PRMT9: variants seen among roughly 807,000 people sequenced by gnomAD.
PRMT9 encodes the protein protein arginine methyltransferase 9.
Under a neutral mutation model 83.2 loss-of-function variants are expected in PRMT9, and 59 were observed. That is an observed-to-expected ratio of 0.71 (90% CI 0.57 to 0.88). The LOEUF is 0.88. Among genes scored for constraint, PRMT9 ranks in the 40% least tolerant of loss-of-function variants. PRMT9 has a pLI of 0.00. For missense variants in PRMT9, 947 were observed against 1,021.9 expected, an observed-to-expected ratio of 0.93 and a Z score of 1.00; for synonymous variants, 333 against 353.2, an observed-to-expected ratio of 0.94 and a Z score of 0.64.
At chr4:147,681,475 T>A (rs989993438) in intron 1 of PRMT9, among the ~76,000 whole-genome samples, 1 of 152,182 alleles carries the variant, frequency 6.6e-6, no homozygotes, top group Non-Finnish European at 1.5e-5. Context: ...GGGAGTTTAC[T>A]AGAGAGACAA....
At chr4:147,674,151 C>T (rs1209534380) in intron 2 of PRMT9, among the ~76,000 whole-genome samples, 1 of 152,172 alleles carries the variant, frequency 6.6e-6, no homozygotes, top group Non-Finnish European at 1.5e-5. Flanking sequence ...CTCTCACAGT[C>T]ATCCTCCATT....
Position 147,654,263 on chromosome 4 carries a change from A to C in PRMT9, c.1634T>G (p.Leu545Trp). The C allele has an allele frequency of 1.2e-6, 2 of 1,614,246 alleles. No individual in the cohort carries two copies. Among genetic ancestry groups the C allele is most frequent in the Non-Finnish European group, 1.7e-6 (2 of 1,180,042 alleles). ...CAGTTTCTCTGGAGTCAGTGAAGACAAAACTTTGCTCATTGCCATTTTAAA... is the reference window on the plus strand; with the variant it reads ...CAGTTTCTCTGGAGTCAGTGAAGACCAAACTTTGCTCATTGCCATTTTAAA... ...EGFKMAMSKV[L>W]SSLTPEKLYQ... The change falls in exon 9 of 12, where the codon TTG becomes TGG. Residue 545 changes from leucine (L) to tryptophan (W), a missense_variant. Transcript: ENST00000322396.
In PRMT9 at chr4:147,666,823, TAA is replaced by T. The variant is rs67002013; in HGVS notation, c.953+1714_953+1715del. On this transcript the variant is annotated intron_variant, in intron 6 of 11. Coordinates refer to ENST00000322396, the MANE Select transcript of PRMT9 (RefSeq NM_138364.4). ...TCAACCCATAATGCTGAACTTTGTT[TAA>T]AAAAAAAAAAAAAAAAAAAAGATAT... is the stretch of plus-strand genomic sequence containing the variant. Among the ~76,000 whole-genome samples the T allele has an allele frequency of 1.2e-3, 158 of 126,412 alleles. No homozygotes were observed. The Middle Eastern group carries it at 0.016, about 13-fold the overall frequency. 82.9% of individuals were successfully genotyped at this position (126,412 alleles called of 152,430 possible). A position where few individuals can be genotyped will look rare whatever the true frequency, so the allele number is the denominator to read the frequency against.
Position 147,683,811 on chromosome 4 carries a change from T to C in PRMT9, c.177A>G (p.Lys59=), listed in dbSNP as rs1473949079. 8.7e-6 allele frequency: 14 copies of C among 1,609,720 alleles called. No individual in the cohort carries two copies. Among genetic ancestry groups the C allele is most frequent in the Non-Finnish European group, 1.1e-5 (13 of 1,178,042 alleles). The change falls in exon 1 of 12, where the codon AAA becomes AAG. Residue 59 remains lysine, a synonymous_variant. Transcript: ENST00000322396. ...LLVLSLAPEL[K]HDVKETFQYT... is the part of the protein sequence containing the mutation. Reference sequence around the variant, plus strand: ...AAAGGACCCTCACCTTCACGTCGTGTTTCAGCTCCGGCGCCAGGCTGAGCA... The same window carrying C: ...AAAGGACCCTCACCTTCACGTCGTGCTTCAGCTCCGGCGCCAGGCTGAGCA...
At chr4:147,674,280 G>T (rs544745719) in intron 2 of PRMT9, among the ~76,000 whole-genome samples, 1 of 152,256 alleles carries the variant, frequency 6.6e-6, no homozygotes, top group East Asian at 1.9e-4. Flanking sequence ...TCAAGAGTCA[G>T]TTGTATTTGC....
chr4:147,676,729 T>C lies in PRMT9; in HGVS notation c.339-2855A>G, dbSNP rs547878555. On this transcript the variant is annotated intron_variant, in intron 2 of 11. Transcript: ENST00000322396. ...AAAGTTTGGCAAAGTGTTTCTTATATAGAACTTTTCATTGAATAAAACTTA... is the reference window on the plus strand; with the variant it reads ...AAAGTTTGGCAAAGTGTTTCTTATACAGAACTTTTCATTGAATAAAACTTA... 4.6e-5 allele frequency among the ~76,000 whole-genome samples: 7 copies of C among 152,288 alleles called. No individual in the cohort carries two copies. In the East Asian group the frequency reaches 9.6e-4, roughly 21 times the overall value.
intron 9 of PRMT9, among the ~76,000 whole-genome samples, chr4:147,653,534 G>A (rs552362605): frequency 1.3e-5 from 2 of 151,872 alleles, no homozygotes; most frequent in South Asian, 2.1e-4. Flanking sequence ...CTTGGAGAAA[G>A]ACTAATCCTA....
intron 8 of PRMT9, among the ~76,000 whole-genome samples, chr4:147,655,674 C>T (rs1734437649): frequency 6.6e-6 from 1 of 151,966 alleles, no homozygotes; most frequent in African/African-American, 2.4e-5. Context: ...TCCAGAATAG[C>T]TGGGACTACA....
chr4:147,676,049 T>C (rs534332427), intron 2 of PRMT9, among the ~76,000 whole-genome samples: 5 of 152,336 alleles, frequency 3.3e-5, no homozygotes, highest in Admixed American at 1.3e-4. Context: ...GTAAATTCTA[T>C]AGCAAAAGCC....
At chr4:147,669,257 T>G (rs192422138) in intron 5 of PRMT9, among the ~76,000 whole-genome samples, 1 of 151,636 alleles carries the variant, frequency 6.6e-6, no homozygotes, top group Non-Finnish European at 1.5e-5. Context: ...ATTAGCCAAG[T>G]GTGGTGACAT....
chr4:147,663,047 C>T (rs1440688311), intron 6 of PRMT9, among the ~76,000 whole-genome samples: 3 of 147,526 alleles, frequency 2.0e-5, no homozygotes, highest in Admixed American at 1.4e-4. Context: ...CTTGCTCTGT[C>T]GCCCAGGCTG....
In PRMT9 at chr4:147,673,782, A is replaced by G. The variant is rs1194215774; in HGVS notation, c.431T>C (p.Val144Ala). ...FSDAKENFYR[V>A]ANWLVERWHF... ...CCAGCGTTCCACCAACCAGTTTGCA[A>G]CACGATAAAAATTCTCCTTTGCATC... The change falls in exon 3 of 12, where the codon GTT becomes GCT. Residue 144 changes from valine to alanine, a missense_variant. Val to Ala is a moderately conservative substitution (Grantham distance 64, BLOSUM62 0). Coordinates refer to ENST00000322396, the MANE Select transcript of PRMT9 (RefSeq NM_138364.4). 3 of 1,614,064 alleles carry G rather than the reference A, an allele frequency of 1.9e-6. No homozygotes were observed. The highest frequency in any genetic ancestry group is 2.5e-6 in the Non-Finnish European group (3 of 1,180,008).
intron 10 of PRMT9, among the ~76,000 whole-genome samples, chr4:147,640,927 G>A (rs911600057): frequency 3.3e-5 from 5 of 152,006 alleles, no homozygotes; most frequent in African/African-American, 9.7e-5. Context: ...TGCCCAGGCT[G>A]GTCTTGAACT....
chr4:147,677,530 T>C (rs1218161186), intron 2 of PRMT9, among the ~76,000 whole-genome samples: 2 of 145,348 alleles, frequency 1.4e-5, no homozygotes, highest in East Asian at 4.3e-4. Context: ...TTTGGCTCAC[T>C]GCAACCTCCA....
At chr4:147,660,579 G>A (rs965020867) in intron 7 of PRMT9, among the ~76,000 whole-genome samples, 27 of 152,236 alleles carry the variant, frequency 1.8e-4, no homozygotes, top group Admixed American at 3.3e-4. Flanking sequence ...GCAGTGAGCC[G>A]AGATGGTGCC....
At chr4:147,657,346 A>C (rs914058922) in intron 8 of PRMT9, among the ~76,000 whole-genome samples, 1 of 152,108 alleles carries the variant, frequency 6.6e-6, no homozygotes, top group Non-Finnish European at 1.5e-5. Context: ...TAACACGGTG[A>C]AACTCGGTCT....
chr4:147,674,229 G>A (rs370807483), intron 2 of PRMT9, among the ~76,000 whole-genome samples: 3 of 152,274 alleles, frequency 2.0e-5, no homozygotes, highest in South Asian at 4.1e-4. Context: ...CTTTGTGGGG[G>A]CCGGCATGCC....
Position 147,683,999 on chromosome 4 carries a change from C to T in PRMT9, c.-12G>A, listed in dbSNP as rs1258915259. The T allele has an allele frequency of 1.9e-6, 3 of 1,612,108 alleles. No homozygotes were observed. Among genetic ancestry groups the T allele is most frequent in the Non-Finnish European group, 2.5e-6 (3 of 1,179,396 alleles). The stretch of plus-strand genomic sequence containing the variant: ...CGCGAGTTCGACATGGCAGTCACCA[C>T]TTGTATGGCCAAAGGGAAGATATTT... On this transcript the variant is annotated 5_prime_UTR_variant, in exon 1 of 12. It adds an upstream start codon to the 5' untranslated region. Transcript: ENST00000322396.
intron 3 of PRMT9, 69 bp downstream of exon 3, chr4:147,673,569 A>G (rs757227174): frequency 1.7e-4 from 176 of 1,007,434 alleles, no homozygotes; most frequent in African/African-American, 7.9e-4. Flanking sequence ...TAAATTTTCC[A>G]TATCTGGCAA....
Sources: allele counts gnomAD v4.1 joint callset (sites outside exome capture counted in the v4.1 genomes callset), GRCh38; gene constraint gnomAD v4.1.1; transcripts MANE v1.5; gene names NCBI Gene and HGNC (gene_info 2026-07-23, HGNC 2026-07-21).